SLC35F4: variants seen among roughly 807,000 people sequenced by gnomAD.
The protein encoded by SLC35F4 is solute carrier family 35 member F4, also known as chromosome 14 open reading frame 36.
SLC35F4 carries 24 observed loss-of-function variants against 44.2 expected under a neutral mutation model. That is an observed-to-expected ratio of 0.54 (90% CI 0.39 to 0.76). The LOEUF (loss-of-function observed/expected upper bound fraction) is 0.76. SLC35F4 is among the 30% of genes least tolerant of loss of function. The pLI is 0.00. For missense variants in SLC35F4, 562 were observed against 586.1 expected, an observed-to-expected ratio of 0.96 and a Z score of 0.42; for synonymous variants, 238 against 223.6, an observed-to-expected ratio of 1.06 and a Z score of -0.57.
At chr14:57,642,354 T>C (rs1192344831) in intron 1 of SLC35F4, among the ~76,000 whole-genome samples, 2 of 152,022 alleles carry the variant, frequency 1.3e-5, no homozygotes, top group African/African-American at 4.8e-5. Context: ...ACAAATTAAC[T>C]TGTGCTTAGG....
intron 1 of SLC35F4, among the ~76,000 whole-genome samples, chr14:57,950,753 C>T (rs999055256): frequency 1.7e-4 from 25 of 144,562 alleles, no homozygotes; most frequent in African/African-American, 5.0e-4. Context: ...ATTTTCACCT[C>T]TCCCACCCAG....
chr14:57,754,785 A>G (rs774720333), intron 1 of SLC35F4, among the ~76,000 whole-genome samples: 1 of 152,230 alleles, frequency 6.6e-6, no homozygotes, highest in Non-Finnish European at 1.5e-5. Context: ...AAGAAAAATC[A>G]ATATTTTCTG....
intron 1 of SLC35F4, among the ~76,000 whole-genome samples, chr14:57,705,821 C>G (rs1209031439): frequency 6.6e-6 from 1 of 152,158 alleles, no homozygotes; most frequent in African/African-American, 2.4e-5. Context: ...TACTGGGAAA[C>G]TAACATACTG....
chr14:57,903,890 T>C (rs980601939), intron 1 of SLC35F4, among the ~76,000 whole-genome samples: 10 of 152,230 alleles, frequency 6.6e-5, no homozygotes, highest in African/African-American at 2.4e-4. Flanking sequence ...TGAGCATATC[T>C]ATCTCAAAAA....
chr14:57,944,694 G>T (rs58292143), intron 1 of SLC35F4, among the ~76,000 whole-genome samples: 2 of 58,984 alleles, frequency 3.4e-5, no homozygotes, highest in East Asian at 4.8e-4. Flanking sequence ...AAGAAAGAAA[G>T]AAAAGAAAGA....
At chr14:57,643,300 A>G (rs1349274198) in intron 1 of SLC35F4, among the ~76,000 whole-genome samples, 1 of 152,112 alleles carries the variant, frequency 6.6e-6, no homozygotes, top group Non-Finnish European at 1.5e-5. Context: ...ATGCATACCA[A>G]GGACTCTTAA....
At chr14:57,680,652 A>T (rs1566757139) in intron 1 of SLC35F4, among the ~76,000 whole-genome samples, 1 of 152,184 alleles carries the variant, frequency 6.6e-6, no homozygotes, top group Non-Finnish European at 1.5e-5. Context: ...CCTTAAGCTG[A>T]TAAGCAACTT....
intron 1 of SLC35F4, among the ~76,000 whole-genome samples, chr14:57,732,481 G>C (rs151086669): frequency 6.6e-6 from 1 of 152,144 alleles, no homozygotes; most frequent in Non-Finnish European, 1.5e-5. Flanking sequence ...ATTAAGACAA[G>C]CTAAATGTTC....
intron 2 of SLC35F4, among the ~76,000 whole-genome samples, chr14:57,589,963 C>G (rs892563914): frequency 6.6e-6 from 1 of 152,142 alleles, no homozygotes; most frequent in South Asian, 2.1e-4. Context: ...CAAAGTAGAA[C>G]GCCAAATAGA....
intron 1 of SLC35F4, among the ~76,000 whole-genome samples, chr14:57,646,685 G>A (rs1225578095): frequency 6.6e-6 from 1 of 152,040 alleles, no homozygotes; most frequent in Non-Finnish European, 1.5e-5. Context: ...GTTTGCTCTT[G>A]CTTCTCTAGT....
chr14:57,677,802 T>TA (rs58558109), intron 1 of SLC35F4, among the ~76,000 whole-genome samples: 23 of 149,178 alleles, frequency 1.5e-4, no homozygotes, highest in East Asian at 3.9e-4. Context: ...TTCTCAGAAA[T>TA]AAAAAAAAAA....
intron 1 of SLC35F4, among the ~76,000 whole-genome samples, chr14:57,964,983 A>ATAT (rs1555331511): frequency 2.3e-5 from 3 of 132,786 alleles, no homozygotes; most frequent in East Asian, 4.7e-4. Context: ...GGAAAAAAAA[A>ATAT]AAAAAAAAAT....
chr14:57,715,339 C>T (rs1204174909), intron 1 of SLC35F4, among the ~76,000 whole-genome samples: 1 of 152,196 alleles, frequency 6.6e-6, no homozygotes, highest in Non-Finnish European at 1.5e-5. Context: ...CGTGATCATA[C>T]ATCCCTGTTT....
At chr14:57,791,163 A>T (rs2077907506) in intron 1 of SLC35F4, among the ~76,000 whole-genome samples, 1 of 152,252 alleles carries the variant, frequency 6.6e-6, no homozygotes, top group Admixed American at 6.5e-5. Context: ...GAGCTTTTGC[A>T]CAGCTAAAGA....
intron 6 of SLC35F4, among the ~76,000 whole-genome samples, chr14:57,569,428 G>A (rs116410465): frequency 6.6e-5 from 10 of 151,922 alleles, no homozygotes; most frequent in Admixed American, 2.0e-4. Context: ...TGAATGCACC[G>A]TCTACTCCCT....
intron 1 of SLC35F4, among the ~76,000 whole-genome samples, chr14:57,790,058 G>A (rs1173703718): frequency 6.6e-6 from 1 of 152,114 alleles, no homozygotes; most frequent in Non-Finnish European, 1.5e-5. Context: ...GGCAAAAACT[G>A]GAAGGATTCC....
At chr14:57,772,506 T>G (rs958377765) in intron 1 of SLC35F4, among the ~76,000 whole-genome samples, 25 of 152,338 alleles carry the variant, frequency 1.6e-4, no homozygotes, top group African/African-American at 5.3e-4. Context: ...TAGGTAATTT[T>G]TCAACCTTCA....
intron 1 of SLC35F4, chr14:57,799,461 A>G (rs1375448153): frequency 2.0e-5 from 3 of 152,374 alleles, no homozygotes; most frequent in Non-Finnish European, 4.4e-5. Context: ...GTCTGTACAT[A>G]TCCCTAGGAA....
chr14:57,907,203 A>T (rs1197313763), intron 1 of SLC35F4, among the ~76,000 whole-genome samples: 1 of 152,158 alleles, frequency 6.6e-6, no homozygotes, highest in East Asian at 1.9e-4. Context: ...GATCATTAAC[A>T]TTTCTTTGGC....
Sources: gnomAD v4.1 joint callset for allele counts (sites outside exome capture counted in the v4.1 genomes callset) on GRCh38, gnomAD v4.1.1 for gene constraint, MANE v1.5 for transcripts, NCBI Gene and HGNC (gene_info 2026-07-23, HGNC 2026-07-21) for gene names.